The following NAT1 variants were observed in gnomAD, a reference collection of about 807,000 sequenced individuals.
The protein encoded by NAT1 is arylamine N-acetyltransferase 1.
For missense variants in NAT1, 400 were observed against 339.2 expected, an observed-to-expected ratio of 1.18 and a Z score of -1.41; for synonymous variants, 144 against 122.6, an observed-to-expected ratio of 1.17 and a Z score of -1.16.
At position 18,213,159 on chromosome 8, in the gene NAT1, G is replaced by A. The variant is rs558803680; in HGVS notation, c.-86+2979G>A. Among the ~76,000 whole-genome samples the A allele has an allele frequency of 3.3e-5, 5 of 150,698 alleles. No individual in the cohort carries two copies. The East Asian group carries it at 5.9e-4, about 18-fold the overall frequency. On this transcript the variant is annotated intron_variant, in intron 1 of 2. Coordinates refer to ENST00000307719, the MANE Select transcript of NAT1 (RefSeq NM_000662.8). ...ACTCCTGACCTCAAGTGATCCACTC[G>A]CCTCGGCCTCCCAAAGCGCTGGGAT...
chr8:18,188,423 G>A (rs940037354), intron 2 of NAT1, among the ~76,000 whole-genome samples: 1 of 152,078 alleles, frequency 6.6e-6, no homozygotes, highest in African/African-American at 2.4e-5. Context: ...AGATATTCCA[G>A]CATGGGGGAG....
In NAT1 at chr8:18,194,236, G is replaced by A. The variant is rs141420923; in HGVS notation, n.93-15545G>A. Reference sequence around the variant, plus strand: ...CAAAACGTGATTATTAACCAGTAGTGCACGGAGCTGCACTGGGCATTTTCT... The same window carrying A: ...CAAAACGTGATTATTAACCAGTAGTACACGGAGCTGCACTGGGCATTTTCT... On this transcript the variant is annotated intron_variant and non_coding_transcript_variant, in intron 2 of 4. Transcript: ENST00000517441. Among the ~76,000 whole-genome samples the A allele has an allele frequency of 6.2e-3, 944 of 152,298 alleles. 21 individuals carry two copies. Among genetic ancestry groups the A allele is most frequent in the African/African-American group, 0.021 (872 of 41,544 alleles).
chr8:18,173,016 A>G (rs1802153995), intron 2 of NAT1, among the ~76,000 whole-genome samples: 1 of 151,932 alleles, frequency 6.6e-6, no homozygotes, highest in South Asian at 2.1e-4. Flanking sequence ...GGAGCCCAGG[A>G]CCTCTCTTCA....
intron 2 of NAT1, among the ~76,000 whole-genome samples, chr8:18,171,788 T>C (rs1227362635): frequency 1.3e-5 from 2 of 152,152 alleles, no homozygotes; most frequent in African/African-American, 4.8e-5. Flanking sequence ...AGTATTTCCT[T>C]TAGGGACTGA....
chr8:18,208,778 G>C (rs1284701348), upstream of NAT1, among the ~76,000 whole-genome samples: 2 of 152,190 alleles, frequency 1.3e-5, no homozygotes, highest in African/African-American at 4.8e-5. Flanking sequence ...TTCTAGGCTG[G>C]AGGCCACAGA....
chr8:18,189,320 C>T (rs887843315), intron 2 of NAT1, among the ~76,000 whole-genome samples: 1 of 152,066 alleles, frequency 6.6e-6, no homozygotes, highest in Non-Finnish European at 1.5e-5. Context: ...GTGCTAGCTA[C>T]TTTATGTTTG....
rs1431134296 is a variant in NAT1, at chr8:18,210,138, A to G, written c.-128A>G. On this transcript the variant is annotated 5_prime_UTR_variant, in exon 1 of 3. Coordinates refer to ENST00000307719, the MANE Select transcript of NAT1 (RefSeq NM_000662.8). ...CCTCATAGACCTTGGATGTGGGAGG[A>G]TTGCATTCAGTCTAGTTCCTGGTTG... The G allele has an allele frequency of 1.3e-5, 2 of 152,114 alleles. No individual in the cohort carries two copies. Among genetic ancestry groups the G allele is most frequent in the Non-Finnish European group, 2.9e-5 (2 of 68,044 alleles). The allele number at this position is 152,114 out of a possible 1,614,324, so 9.4% of individuals were successfully genotyped here. A position where few individuals can be genotyped will look rare whatever the true frequency, so the allele number is the denominator to read the frequency against.
intron 2 of NAT1, among the ~76,000 whole-genome samples, chr8:18,197,435 A>G (rs1803281339): frequency 6.6e-6 from 1 of 152,182 alleles, no homozygotes; most frequent in South Asian, 2.1e-4. Context: ...TCTAGCAGAC[A>G]TCGGCAGTGT....
At chr8:18,180,979 C>G (rs1217117748) in intron 2 of NAT1, among the ~76,000 whole-genome samples, 1 of 151,992 alleles carries the variant, frequency 6.6e-6, no homozygotes, top group Admixed American at 6.6e-5. Context: ...ATTGCTTTAG[C>G]TATTCAGGGT....
chr8:18,171,424 A>C (rs896255178), intron 2 of NAT1, among the ~76,000 whole-genome samples: 20 of 152,200 alleles, frequency 1.3e-4, no homozygotes, highest in Non-Finnish European at 2.4e-4. Flanking sequence ...CAAAAAGCTT[A>C]AGCAACAGAC....
intron 1 of NAT1, among the ~76,000 whole-genome samples, chr8:18,215,849 G>A (rs1804605212): frequency 6.6e-6 from 1 of 152,128 alleles, no homozygotes; most frequent in Non-Finnish European, 1.5e-5. Flanking sequence ...GTCAATTGAG[G>A]AAAATGACGA....
At chr8:18,184,443 C>CAAA (rs1802650883) in intron 2 of NAT1, among the ~76,000 whole-genome samples, 1 of 152,170 alleles carries the variant, frequency 6.6e-6, no homozygotes, top group South Asian at 2.1e-4. Context: ...TGAAGACCTC[C>CAAA]AAAATGCCTT....
At chr8:18,209,100 G>A (rs112094121), upstream of NAT1, among the ~76,000 whole-genome samples, 1,582 of 152,268 alleles carry the variant, frequency 0.01, 24 homozygotes, top group African/African-American at 0.035. Flanking sequence ...CAAGCCTAAG[G>A]GTAATTCCAC....
At chr8:18,209,223 A>G (rs1305242575), upstream of NAT1, among the ~76,000 whole-genome samples, 1 of 152,236 alleles carries the variant, frequency 6.6e-6, no homozygotes, top group Non-Finnish European at 1.5e-5. Context: ...AGGACATGCC[A>G]AGAGAAAGCC....
intron 2 of NAT1, among the ~76,000 whole-genome samples, chr8:18,179,171 C>CT (rs1304445800): frequency 6.6e-6 from 1 of 152,050 alleles, no homozygotes; most frequent in African/African-American, 2.4e-5. Flanking sequence ...TGTTCCTTGC[C>CT]TAAAACATTG....
intron 2 of NAT1, among the ~76,000 whole-genome samples, chr8:18,193,925 G>T (rs1803126378): frequency 6.6e-6 from 1 of 152,134 alleles, no homozygotes; most frequent in Non-Finnish European, 1.5e-5. Context: ...ACAGGCATGA[G>T]CCACCACACC....
intron 1 of NAT1, among the ~76,000 whole-genome samples, chr8:18,210,773 A>G (rs74316763): frequency 0.01 from 1,581 of 152,206 alleles, 25 homozygotes; most frequent in African/African-American, 0.035. Context: ...GGAATTCCAG[A>G]GGGAAGTTTT....
chr8:18,215,833 A>G (rs1304937854), intron 1 of NAT1, among the ~76,000 whole-genome samples: 4 of 152,134 alleles, frequency 2.6e-5, no homozygotes, highest in Admixed American at 2.0e-4. Flanking sequence ...GGGTTGGTGT[A>G]GACTTGTCAA....
chr8:18,201,339 A>C (rs895861428), intron 2 of NAT1: 4 of 152,132 alleles, frequency 2.6e-5, no homozygotes, highest in Admixed American at 6.6e-5. Context: ...ACAGTAATTA[A>C]AATGAGTACT....
Sources: allele counts gnomAD v4.1 joint callset (sites outside exome capture counted in the v4.1 genomes callset), GRCh38; gene constraint gnomAD v4.1.1; transcripts MANE v1.5; gene names NCBI Gene and HGNC (gene_info 2026-07-23, HGNC 2026-07-21).